G2E3: variants seen among roughly 807,000 people sequenced by gnomAD.
G2E3 encodes G2/M-phase specific E3 ubiquitin protein ligase, also known as G2/M phase-specific E3 ubiquitin-protein ligase.
Under a neutral mutation model 92.8 loss-of-function variants are expected in G2E3, and 35 were observed. That is an observed-to-expected ratio of 0.38 (90% CI 0.29 to 0.50). The LOEUF is 0.50. G2E3 is among the 20% of genes least tolerant of loss of function. G2E3 has a pLI of 0.94. For missense variants in G2E3, 554 were observed against 823.8 expected, an observed-to-expected ratio of 0.67 and a Z score of 4.01; for synonymous variants, 242 against 272.4, an observed-to-expected ratio of 0.89 and a Z score of 1.10.
chr14:30,567,024 A>G (rs531588252), intron 1 of G2E3, among the ~76,000 whole-genome samples: 3 of 152,246 alleles, frequency 2.0e-5, no homozygotes, highest in African/African-American at 7.2e-5. Context: ...CATTTCTGGG[A>G]TAAATCCCAC....
chr14:30,594,652 C>T (rs537934164), intron 6 of G2E3, among the ~76,000 whole-genome samples: 9 of 151,554 alleles, frequency 5.9e-5, no homozygotes, highest in African/African-American at 2.2e-4. Context: ...AAGATGGCAC[C>T]ACTGCATTCC....
intron 6 of G2E3, among the ~76,000 whole-genome samples, chr14:30,594,533 CAAAA>C (rs1209965311): frequency 8.8e-5 from 13 of 147,050 alleles, no homozygotes; most frequent in Non-Finnish European, 2.0e-4. Flanking sequence ...ACTAAAAATA[CAAAA>C]AAAAAATTAG....
intron 12 of G2E3, among the ~76,000 whole-genome samples, chr14:30,610,610 T>C (rs1882043206): frequency 6.6e-6 from 1 of 152,030 alleles, no homozygotes; most frequent in Non-Finnish European, 1.5e-5. Flanking sequence ...CCCAAATAAA[T>C]AAATGTATAC....
rs1262629324 is a variant in G2E3, at chr14:30,618,406, C to T, written c.*1872C>T. ...TTTTTATTACAGCTAAAAACCAATACAAACCAATAAAACCTAGTTAAAGCT... is the reference window on the plus strand; with the variant it reads ...TTTTTATTACAGCTAAAAACCAATATAAACCAATAAAACCTAGTTAAAGCT... On this transcript the variant is annotated 3_prime_UTR_variant, in exon 15 of 15. Coordinates refer to ENST00000206595, the MANE Select transcript of G2E3 (RefSeq NM_017769.5). The T allele has an allele frequency of 6.6e-6, 1 of 151,988 alleles. No individual in the cohort carries two copies. Among genetic ancestry groups the T allele is most frequent in the Non-Finnish European group, 1.5e-5 (1 of 67,928 alleles). The allele number at this position is 151,988 out of a possible 1,614,324, so 9.4% of individuals were successfully genotyped here.
At chr14:30,607,452 T>C (rs961857590) in intron 11 of G2E3, among the ~76,000 whole-genome samples, 3 of 152,144 alleles carry the variant, frequency 2.0e-5, no homozygotes, top group African/African-American at 4.8e-5. Context: ...CTGTAGACAA[T>C]TGTAACACAA....
intron 3 of G2E3, among the ~76,000 whole-genome samples, chr14:30,587,060 T>G (rs1200439810): frequency 1.2e-4 from 18 of 152,184 alleles, no homozygotes. Context: ...TCTTTCTGTT[T>G]AAGGCCTAAG....
chr14:30,560,077 G>C (rs1879002940), intron 1 of G2E3: 1 of 123,812 alleles, frequency 8.1e-6, no homozygotes, highest in Admixed American at 8.0e-5. Flanking sequence ...CTAATGCTTT[G>C]AGCATCTGTT....
chr14:30,597,622 T>C, intron 7 of G2E3, 96 bp downstream of exon 7: 1 of 740,214 alleles, frequency 1.4e-6, no homozygotes, highest in Admixed American at 2.2e-5. Flanking sequence ...TCAGTGAGCA[T>C]GGACAGGTAG....
chr14:30,573,422 T>C (rs1879885581), intron 1 of G2E3: 4 of 89,570 alleles, frequency 4.5e-5, no homozygotes, highest in African/African-American at 1.9e-4. Flanking sequence ...TGTGTGTGTG[T>C]GTGTGTGTGC....
intron 12 of G2E3, among the ~76,000 whole-genome samples, chr14:30,608,314 G>A (rs912575642): frequency 2.0e-5 from 3 of 152,174 alleles, no homozygotes; most frequent in Non-Finnish European, 2.9e-5. Context: ...TTTGGTCTGT[G>A]TTCACCATGG....
intron 1 of G2E3, chr14:30,559,637 C>G (rs1280216981): frequency 6.6e-6 from 1 of 152,162 alleles, no homozygotes; most frequent in Admixed American, 6.5e-5. Context: ...AGTTAAATCT[C>G]ACTGTGAAGG....
intron 4 of G2E3, among the ~76,000 whole-genome samples, chr14:30,591,417 T>C (rs917923867): frequency 1.3e-5 from 2 of 152,196 alleles, no homozygotes; most frequent in Non-Finnish European, 2.9e-5. Flanking sequence ...GGTAGTATAT[T>C]CATTTCCTAG....
chr14:30,614,771 A>T (rs1391600567), intron 13 of G2E3, among the ~76,000 whole-genome samples: 1 of 152,222 alleles, frequency 6.6e-6, no homozygotes, highest in Non-Finnish European at 1.5e-5. Flanking sequence ...GCATTTTAAA[A>T]TATTCAGTTG....
chr14:30,566,195 A>C (rs147883763), intron 1 of G2E3, among the ~76,000 whole-genome samples: 58 of 152,268 alleles, frequency 3.8e-4, no homozygotes, highest in Non-Finnish European at 7.6e-4. Context: ...GGAAAATTTG[A>C]ATCCTCCAAC....
chr14:30,566,869 A>G (rs1594460646), intron 1 of G2E3, among the ~76,000 whole-genome samples: 2 of 152,278 alleles, frequency 1.3e-5, no homozygotes, highest in Middle Eastern at 3.4e-3. Context: ...ATATTCCTAA[A>G]TGTTTGAGTG....
intron 10 of G2E3, among the ~76,000 whole-genome samples, chr14:30,603,850 GT>G (rs767366194): frequency 2.6e-4 from 40 of 152,094 alleles, no homozygotes; most frequent in Non-Finnish European, 4.0e-4. Context: ...TCTCTAAAAA[GT>G]TTCAAGTTTA....
intron 1 of G2E3, 145 bp from the exon 2 acceptor site, chr14:30,580,931 T>C: frequency 6.5e-6 from 4 of 611,566 alleles, no homozygotes; most frequent in Non-Finnish European, 1.2e-5. Context: ...GAACTACTGA[T>C]CTTAGATGTA....
chr14:30,606,686 G>A (rs1401654334), intron 11 of G2E3, among the ~76,000 whole-genome samples: 2 of 152,008 alleles, frequency 1.3e-5, no homozygotes, highest in Non-Finnish European at 2.9e-5. Flanking sequence ...CTGGATCTCA[G>A]TTTCTTCATC....
At chr14:30,569,311 T>C (rs1655454855) in intron 1 of G2E3, among the ~76,000 whole-genome samples, 1 of 152,174 alleles carries the variant, frequency 6.6e-6, no homozygotes, top group Non-Finnish European at 1.5e-5. Flanking sequence ...TCCATCGAAT[T>C]ACTTCTCCTG....
Sources: allele counts gnomAD v4.1 joint callset (sites outside exome capture counted in the v4.1 genomes callset), GRCh38; gene constraint gnomAD v4.1.1; transcripts MANE v1.5; gene names NCBI Gene and HGNC (gene_info 2026-07-23, HGNC 2026-07-21).